Variants in DLD observed in about 807,000 individuals in gnomAD.
The protein encoded by DLD is dihydrolipoamide dehydrogenase.
In DLD, 36 loss-of-function variants were observed where a neutral mutation model predicts 62.2. The observed-to-expected ratio is 0.58, with a 90% CI of 0.44 to 0.76. The LOEUF is 0.76. Ranked by LOEUF, DLD falls within the 30% of genes least tolerant of loss-of-function variation. The pLI is 0.00. For synonymous variants in DLD, 204 were observed against 199.6 expected (o/e 1.02, Z -0.19); for missense variants, 541 against 608.6 (o/e 0.89, Z 1.17).
chr7:107,897,822 A>G (rs2031766820), intron 2 of DLD, among the ~76,000 whole-genome samples: 1 of 151,720 alleles, frequency 6.6e-6, no homozygotes, highest in Non-Finnish European at 1.5e-5. Flanking sequence ...CAAGTGATCC[A>G]CCCGCATTGG....
chr7:107,918,245 A>T (rs576075201), intron 12 of DLD, among the ~76,000 whole-genome samples, 184 bp downstream of exon 12: 2 of 152,270 alleles, frequency 1.3e-5, no homozygotes, highest in East Asian at 3.9e-4. Context: ...CCACTGTATC[A>T]TCTACTTTGT....
chr7:107,906,340 T>A lies in DLD; in HGVS notation c.656T>A (p.Ile219Asn). The change falls in exon 8 of 14, where the codon ATT becomes AAT. Residue 219 changes from isoleucine (I) to asparagine (N), a missense_variant. Ile to Asn is a moderately radical substitution (Grantham distance 149, BLOSUM62 -3). Coordinates refer to ENST00000205402, the MANE Select transcript of DLD (RefSeq NM_000108.5). ...LKKVPEKMVV[I>N]GAGVIGVELG... ...AAAGTTCCAGAAAAGATGGTTGTTA[T>A]TGGTGCAGGAGTAATAGGTGTAGAA... 1 of 1,611,044 alleles carries A rather than the reference T, an allele frequency of 6.2e-7. No individual in the cohort carries two copies. The highest frequency in any genetic ancestry group is 8.5e-7 in the Non-Finnish European group (1 of 1,177,300).
At chr7:107,913,664 T>C (rs1005244003) in intron 8 of DLD, among the ~76,000 whole-genome samples, 2 of 152,176 alleles carry the variant, frequency 1.3e-5, no homozygotes, top group African/African-American at 4.8e-5. Flanking sequence ...TATAAGATCA[T>C]GTAGTCTGCA....
At chr7:107,891,142 A>C, upstream of DLD, 4 of 1,403,342 alleles carry the variant, frequency 2.9e-6, no homozygotes, top group South Asian at 3.6e-5. Context: ...CTCCCGGGTG[A>C]TGACGTAGGC....
chr7:107,916,467 G>A (rs897898584), intron 9 of DLD, among the ~76,000 whole-genome samples: 1 of 152,160 alleles, frequency 6.6e-6, no homozygotes, highest in Non-Finnish European at 1.5e-5. Flanking sequence ...GAAGTCAAGA[G>A]ATCAAGACCA....
Position 107,916,996 on chromosome 7 carries a change from A to G in DLD, c.1046+32A>G, listed in dbSNP as rs756662214. 6 of 1,604,806 alleles carry G rather than the reference A, an allele frequency of 3.7e-6. No homozygotes were observed. In the East Asian group the frequency reaches 1.3e-4, roughly 36 times the overall value. ...TGGATAATTGTCTGCATTTTCAGTAATTTTAAAATTGATTTCAAACAGTAT... is the reference window on the plus strand; with the variant it reads ...TGGATAATTGTCTGCATTTTCAGTAGTTTTAAAATTGATTTCAAACAGTAT... On this transcript the variant is annotated intron_variant, in intron 10 of 13. Coordinates refer to ENST00000205402, the MANE Select transcript of DLD (RefSeq NM_000108.5).
Position 107,919,417 on chromosome 7 carries a change from TTATATC to T in DLD, c.*164_*169del, listed in dbSNP as rs1562921612. The T allele has an allele frequency of 1.7e-6, 1 of 599,196 alleles. No homozygotes were observed. The highest frequency in any genetic ancestry group is 2.1e-5 in the South Asian group (1 of 47,120). 37.1% of individuals were successfully genotyped at this position (599,196 alleles called of 1,614,324 possible). On this transcript the variant is annotated 3_prime_UTR_variant, in exon 14 of 14. Transcript: ENST00000205402. ...TAGGTTTGGACAAAATGGAATACTC[TTATATC>T]TATATTTTACATAAATTTAGTATTT...
In DLD at chr7:107,906,354, A is replaced by G. The variant is rs754081428; in HGVS notation, c.670A>G (p.Ile224Val). 2.5e-6 allele frequency: 4 copies of G among 1,608,368 alleles called. No individual in the cohort carries two copies. The South Asian group carries it at 4.4e-5, about 18-fold the overall frequency. Residue 224 changes from isoleucine (I) to valine (V), a missense_variant, in exon 8 of 14, where the codon ATA becomes GTA. Transcript: ENST00000205402. ...EKMVVIGAGVIGVELGSVWQR... is the reference protein window; with the variant it reads ...EKMVVIGAGVVGVELGSVWQR... The stretch of plus-strand genomic sequence containing the variant: ...GATGGTTGTTATTGGTGCAGGAGTA[A>G]TAGGTGTAGAATTGGTAAGTGTTGT...
At chr7:107,909,622 G>C (rs887840185) in intron 8 of DLD, among the ~76,000 whole-genome samples, 2 of 152,128 alleles carry the variant, frequency 1.3e-5, no homozygotes, top group Non-Finnish European at 2.9e-5. Flanking sequence ...TATGTGACCT[G>C]TTTGGAACAC....
chr7:107,907,237 A>G (rs547761376), intron 8 of DLD, among the ~76,000 whole-genome samples: 314 of 152,238 alleles, frequency 2.1e-3, no homozygotes, highest in African/African-American at 5.4e-3. Context: ...TTTTTATGCT[A>G]TTTCCAGGCT....
At chr7:107,891,628 T>C (rs557525155) in intron 1 of DLD, 7 of 498,250 alleles carry the variant, frequency 1.4e-5, no homozygotes, top group Non-Finnish European at 2.6e-5. Context: ...GCCACCCATG[T>C]CCCGTATAGT....
intron 2 of DLD, 114 bp from the exon 3 acceptor site, chr7:107,901,624 T>C (rs922841822): frequency 7.3e-6 from 6 of 820,998 alleles, no homozygotes; most frequent in Non-Finnish European, 1.2e-5. Context: ...TAGAAAATGC[T>C]GATTTGTACT....
chr7:107,897,124 C>G (rs1018789658), intron 2 of DLD, among the ~76,000 whole-genome samples: 1 of 152,138 alleles, frequency 6.6e-6, no homozygotes, highest in Admixed American at 6.6e-5. Flanking sequence ...CATGAGCCAC[C>G]GCGCCTGGCC....
chr7:107,913,603 T>A (rs1452452207), intron 8 of DLD, among the ~76,000 whole-genome samples: 2 of 152,056 alleles, frequency 1.3e-5, no homozygotes. Flanking sequence ...CTTTACTGAA[T>A]TAGTTTGTAA....
chr7:107,896,344 C>T (rs1207518091), intron 2 of DLD, among the ~76,000 whole-genome samples: 1 of 152,220 alleles, frequency 6.6e-6, no homozygotes, highest in African/African-American at 2.4e-5. Flanking sequence ...CTAGTATGCA[C>T]CTAGCACCTC....
rs368120489 is a variant in DLD, at chr7:107,892,181, G to A, written c.39+892G>A. Among the ~76,000 whole-genome samples the A allele has an allele frequency of 9.8e-5, 15 of 152,288 alleles. No homozygotes were observed. In the South Asian group the frequency reaches 3.1e-3, roughly 32 times the overall value. On this transcript the variant is annotated intron_variant, in intron 1 of 13. Coordinates refer to ENST00000205402, the MANE Select transcript of DLD (RefSeq NM_000108.5). The stretch of plus-strand genomic sequence containing the variant: ...AATAGGAAACATCAGTGTAGGTTTT[G>A]TCACTGCCGCCCATTTTCCTGCTGT...
intron 8 of DLD, among the ~76,000 whole-genome samples, chr7:107,914,857 T>G (rs574204547): frequency 1.3e-4 from 20 of 152,208 alleles, no homozygotes; most frequent in Non-Finnish European, 2.5e-4. Flanking sequence ...TCAGTTTAAA[T>G]TATAATTTGA....
rs920442260 is a variant in DLD, at chr7:107,903,666, T to C, written c.337+119T>C. 1.2e-5 allele frequency: 7 copies of C among 583,498 alleles called. No homozygotes were observed. In the Admixed American group the frequency reaches 1.8e-4, roughly 15 times the overall value. 36.1% of individuals were successfully genotyped at this position (583,498 alleles called of 1,614,324 possible). A position where few individuals can be genotyped will look rare whatever the true frequency, so the allele number is the denominator to read the frequency against. ...GATGTTTAGTGAAGGAAGAGTAAAA[T>C]AAATAATCTAAAAAATGTGGAGAGA... On this transcript the variant is annotated intron_variant, in intron 5 of 13. Coordinates refer to ENST00000205402, the MANE Select transcript of DLD (RefSeq NM_000108.5).
chr7:107,897,699 C>T (rs949897974), intron 2 of DLD, among the ~76,000 whole-genome samples: 1 of 151,462 alleles, frequency 6.6e-6, no homozygotes, highest in African/African-American at 2.4e-5. Context: ...ATGCCTCAGC[C>T]TCCTGAGTAG....
Sources: allele counts gnomAD v4.1 joint callset (sites outside exome capture counted in the v4.1 genomes callset), GRCh38; gene constraint gnomAD v4.1.1; transcripts MANE v1.5; gene names NCBI Gene and HGNC (gene_info 2026-07-23, HGNC 2026-07-21).